Variants in MDN1 observed in about 807,000 individuals in gnomAD.
The protein encoded by MDN1 is midasin.
In MDN1, 266 loss-of-function variants were observed where a neutral mutation model predicts 669.2. That is an observed-to-expected ratio of 0.40 (90% CI 0.36 to 0.44). The LOEUF (loss-of-function observed/expected upper bound fraction) is 0.44. MDN1 is among the 20% of genes least tolerant of loss of function. The pLI is 1.00. For synonymous variants in MDN1, 2,385 were observed against 2,457.1 expected (o/e 0.97, Z 0.87); for missense variants, 5,940 against 6,754.0 (o/e 0.88, Z 4.22).
rs943260603 is a variant in MDN1, at chr6:89,674,162, C to T, written c.13189G>A (p.Val4397Met). 8 of 1,614,216 alleles carry T rather than the reference C, an allele frequency of 5.0e-6. No homozygotes were observed. Among genetic ancestry groups the T allele is most frequent in the East Asian group, 2.2e-5 (1 of 44,888 alleles). ...LTEMLKTIKT[V>M]KADVDKIRQQ... ...CTAATTTTGTCGACGTCAGCTTTCA[C>T]TGTTTTAATGGTTTTTAGCATCTCT... The change falls in exon 79 of 102, where the codon GTG becomes ATG. Residue 4397 changes from valine to methionine, a missense_variant. Val to Met is a conservative substitution (Grantham distance 21). Transcript: ENST00000369393.
chr6:89,792,794 G>A (rs1819350255), intron 5 of MDN1, among the ~76,000 whole-genome samples: 2 of 151,898 alleles, frequency 1.3e-5, no homozygotes, highest in South Asian at 4.2e-4. Context: ...GCTGAGGCAG[G>A]GGGTCACGAG....
intron 11 of MDN1, among the ~76,000 whole-genome samples, chr6:89,778,286 C>T (rs4707566): frequency 0.18 from 26,910 of 151,156 alleles, 2,443 homozygotes; most frequent in East Asian, 0.22. Flanking sequence ...TAAGTTTCTT[C>T]CATCATCTTT....
intron 35 of MDN1, 45 bp downstream of exon 35, chr6:89,730,681 T>G: frequency 1.3e-6 from 2 of 1,506,066 alleles, no homozygotes. Context: ...CAAGTATCTA[T>G]GATCTATAGA....
At position 89,648,134 on chromosome 6, in the gene MDN1, A is replaced by G; in HGVS notation, c.16293T>C (p.Ser5431=). 1 of 1,613,966 alleles carries G rather than the reference A, an allele frequency of 6.2e-7. No homozygotes were observed. The part of the protein sequence containing the change: ...GQIAVCSFGE[S]VKLLHPFHEQ... ...CATGAAATGGGTGTAACAGCTTTAC[A>G]GATTCTCCAAAACTTGGGGGAGGAA... The change falls in exon 99 of 102, where the codon TCT becomes TCC. Residue 5431 remains serine (S), a synonymous_variant. Coordinates refer to ENST00000369393, the MANE Select transcript of MDN1 (RefSeq NM_014611.3).
At chr6:89,754,316 T>C in intron 20 of MDN1, 86 bp from the exon 21 acceptor site, 2 of 1,388,386 alleles carry the variant, frequency 1.4e-6, no homozygotes, top group Non-Finnish European at 2.0e-6. Flanking sequence ...CAAAGGACAT[T>C]TTTTAGATCA....
chr6:89,673,425 A>T lies in MDN1; in HGVS notation c.13285T>A (p.Leu4429Met), dbSNP rs1016856787. 1.9e-6 allele frequency: 3 copies of T among 1,614,206 alleles called. No homozygotes were observed. Among genetic ancestry groups the T allele is most frequent in the Non-Finnish European group, 2.5e-6 (3 of 1,180,032 alleles). The change falls in exon 80 of 102, where the codon TTG becomes ATG. Residue 4429 changes from leucine to methionine, a missense_variant. Leu to Met is a conservative substitution (Grantham distance 15, BLOSUM62 2). Transcript: ENST00000369393. ...FEVCSSALSC[L>M]SQVSVHLQGL... ...TGCAAATGAACTGACACCTGGGACA[A>T]GCAACTCAGCGCAGAAGAGCAAACT...
intron 95 of MDN1, among the ~76,000 whole-genome samples, chr6:89,651,587 G>GCC (rs1808876161): frequency 6.6e-6 from 1 of 152,122 alleles, no homozygotes; most frequent in Non-Finnish European, 1.5e-5. Flanking sequence ...CTGCACTCCA[G>GCC]CCGGGGCAAG....
Position 89,789,735 on chromosome 6 carries a change from C to T in MDN1, c.1230+45G>A, listed in dbSNP as rs200226370. On this transcript the variant is annotated intron_variant, in intron 7 of 101. Coordinates refer to ENST00000369393, the MANE Select transcript of MDN1 (RefSeq NM_014611.3). Reference sequence around the variant, plus strand: ...CTATTAACAAAATGCTTTTCCAAGACAGGAAAATATATTAAGGGACAATGA... The same window carrying T: ...CTATTAACAAAATGCTTTTCCAAGATAGGAAAATATATTAAGGGACAATGA... 7 of 1,537,898 alleles carry T rather than the reference C, an allele frequency of 4.6e-6. No individual in the cohort carries two copies. The African/African-American group carries it at 7.0e-5, about 15-fold the overall frequency.
intron 69 of MDN1, 104 bp from the exon 70 acceptor site, chr6:89,686,077 A>G: frequency 9.1e-7 from 1 of 1,102,502 alleles, no homozygotes; most frequent in Non-Finnish European, 1.3e-6. Flanking sequence ...GCCAAGAGGT[A>G]GACATCACAA....
intron 24 of MDN1, among the ~76,000 whole-genome samples, 185 bp downstream of exon 24, chr6:89,750,169 A>G (rs1816867606): frequency 6.6e-6 from 1 of 152,222 alleles, no homozygotes; most frequent in Admixed American, 6.5e-5. Context: ...CAAGATTAGC[A>G]GAACCTAAAG....
intron 1 of MDN1, among the ~76,000 whole-genome samples, chr6:89,808,248 CTTT>C (rs1768141720): frequency 6.6e-6 from 1 of 152,008 alleles, no homozygotes; most frequent in Non-Finnish European, 1.5e-5. Context: ...ATATCTAGTA[CTTT>C]TTTAATCGGA....
Position 89,685,965 on chromosome 6 carries a change from G to C in MDN1, c.11581C>G (p.Gln3861Glu). 2 of 1,608,586 alleles carry C rather than the reference G, an allele frequency of 1.2e-6. No individual in the cohort carries two copies. The highest frequency in any genetic ancestry group is 1.7e-6 in the Non-Finnish European group (2 of 1,178,680). ...CTGACCAGCAACATCAAGGTCATCT[G>C]TTTGTCATCTTTAAAAATTCAAAGA... ...EQTEEQEDDK[Q>E]MTLMLLVSTL... The change falls in exon 70 of 102, where the codon CAG becomes GAG. Residue 3861 changes from glutamine (Q) to glutamate (E), a missense_variant. Transcript: ENST00000369393.
In MDN1 at chr6:89,698,943, C is replaced by T; in HGVS notation, c.9090G>A (p.Glu3030=). The change falls in exon 59 of 102, where the codon GAG becomes GAA. Residue 3030 remains glutamate, a synonymous_variant. Transcript: ENST00000369393. ...FWSSTVTTNP[E]YWLMWNPLPG... ...GCAAAGGGTTCCACATTAGCCAGTA[C>T]TCTGGATTTGTGGTCACAGTACTGC... 6.2e-7 allele frequency: 1 copy of T among 1,614,094 alleles called. No individual in the cohort carries two copies. Among genetic ancestry groups the T allele is most frequent in the Non-Finnish European group, 8.5e-7 (1 of 1,179,992 alleles).
chr6:89,790,341 C>G lies in MDN1; in HGVS notation c.916G>C (p.Glu306Gln). 1.9e-6 allele frequency: 3 copies of G among 1,614,124 alleles called. No individual in the cohort carries two copies. Among genetic ancestry groups the G allele is most frequent in the Non-Finnish European group, 2.5e-6 (3 of 1,180,028 alleles). Residue 306 changes from glutamate to glutamine, a missense_variant, in exon 6 of 102, where the codon GAG becomes CAG. Around this residue, in one of 5 missense-constraint regions of MDN1, gnomAD observed 1,203 missense variants for 1,268.9 expected, o/e 0.95. Transcript: ENST00000369393. The stretch of plus-strand genomic sequence containing the variant: ...GTCTGAAGACTTTTGCAGACAGACT[C>G]AACCAGCACATAAGACCTAAGGGCC... ...ELALRSYVLVESVCKSLQTLA... is the reference protein window; with the variant it reads ...ELALRSYVLVQSVCKSLQTLA...
chr6:89,653,034 G>C lies in MDN1; in HGVS notation c.15783C>G (p.Thr5261=), dbSNP rs761195382. The C allele has an allele frequency of 9.9e-6, 16 of 1,614,000 alleles. No homozygotes were observed. The highest frequency in any genetic ancestry group is 1.6e-4 in the Middle Eastern group (1 of 6,080). Residue 5261 remains threonine (T), a synonymous_variant, in exon 94 of 102, where the codon ACC becomes ACG. Coordinates refer to ENST00000369393, the MANE Select transcript of MDN1 (RefSeq NM_014611.3). ...NEKPERSRES[T]IHTAHQFLMD... Reference sequence around the variant, plus strand: ...TGAGGAATTGATGAGCTGTATGAATGGTAGACTCTCGGCTTCTTTCTGGTT... The same window carrying C: ...TGAGGAATTGATGAGCTGTATGAATCGTAGACTCTCGGCTTCTTTCTGGTT...
chr6:89,704,207 C>G (rs1388346836), intron 53 of MDN1, among the ~76,000 whole-genome samples: 1 of 151,876 alleles, frequency 6.6e-6, no homozygotes, highest in African/African-American at 2.4e-5. Context: ...ATGGTGAAAC[C>G]CCGTCTCCAC....
rs562969469 is a variant in MDN1, at chr6:89,683,082, C to G, written c.12102+50G>C. ...CATGCCTTGCACATAAAACACAGATCCCACTTGACTGGCTTGGGAATAAGC... is the reference window on the plus strand; with the variant it reads ...CATGCCTTGCACATAAAACACAGATGCCACTTGACTGGCTTGGGAATAAGC... On this transcript the variant is annotated intron_variant, in intron 73 of 101. Transcript: ENST00000369393. 3.9e-5 allele frequency: 61 copies of G among 1,582,282 alleles called. No homozygotes were observed. The East Asian group carries it at 1.3e-3, about 33-fold the overall frequency.
At position 89,708,604 on chromosome 6, in the gene MDN1, G is replaced by A. The variant is rs1002864040; in HGVS notation, c.7790C>T (p.Pro2597Leu). ...GTCCAGAGCCTGCATATTCCATCGG[G>A]GATCCAGAGGGATCACAAATTCATC... ...TTDEFVIPLDPRWNMQALDMI... is the reference protein window; with the variant it reads ...TTDEFVIPLDLRWNMQALDMI... Residue 2597 changes from proline to leucine, a missense_variant, in exon 51 of 102, where the codon CCC becomes CTC. Transcript: ENST00000369393. 1 of 1,613,628 alleles carries A rather than the reference G, an allele frequency of 6.2e-7. No individual in the cohort carries two copies. The highest frequency in any genetic ancestry group is 2.2e-5 in the East Asian group (1 of 44,878).
Position 89,712,028 on chromosome 6 carries a change from C to A in MDN1, c.7651+8G>T. ...ACATCAGTGGACAAATTAAGCTGTT[C>A]TACTCACCAAGCCCCTGCGGTATAT... On this transcript the variant is annotated splice_region_variant and intron_variant, in intron 49 of 101. Transcript: ENST00000369393. 6.2e-7 allele frequency: 1 copy of A among 1,608,468 alleles called. No homozygotes were observed. Among genetic ancestry groups the A allele is most frequent in the Non-Finnish European group, 8.5e-7 (1 of 1,175,956 alleles).
Sources: allele counts gnomAD v4.1 joint callset (sites outside exome capture counted in the v4.1 genomes callset), GRCh38; gene constraint gnomAD v4.1.1; regional missense constraint gnomAD v4.1.1; transcripts MANE v1.5; gene names NCBI Gene and HGNC (gene_info 2026-07-23, HGNC 2026-07-21).